The following CILP variants were observed in gnomAD, a reference collection of about 807,000 sequenced individuals.
CILP encodes the protein cartilage intermediate layer protein 1.
A neutral mutation model predicts 82.5 loss-of-function variants in CILP; 75 were observed. The ratio of observed to expected loss-of-function variants is 0.91; its 90% confidence interval spans 0.75 to 1.10. CILP has a LOEUF of 1.10. CILP is among the 50% of genes least tolerant of loss of function. The pLI is 0.00. For synonymous variants in CILP, 530 were observed against 580.3 expected (o/e 0.91, Z 1.25); for missense variants, 1,479 against 1,530.8 (o/e 0.97, Z 0.56).
chr15:65,203,547 C>T, intron 6 of CILP, 77 bp from the exon 7 acceptor site: 2 of 1,024,374 alleles, frequency 2.0e-6, no homozygotes, highest in Non-Finnish European at 3.0e-6. Flanking sequence ...CTAGCTCCCT[C>T]AGGGTCTTTG....
In CILP at chr15:65,197,700, C is replaced by A; in HGVS notation, c.2586G>T (p.Thr862=). The change falls in exon 9 of 9, where the codon ACG becomes ACT. Residue 862 remains threonine, a synonymous_variant. Transcript: ENST00000261883. ...TTTTAACCCGTGGATCCTCATGGTC[C>A]GTCCGACGGTAGTTGAGCTTGTTGA... is the stretch of plus-strand genomic sequence containing the variant. ...PYLNKLNYRR[T]DHEDPRVKKT... is the part of the protein sequence containing the mutation. 1 of 1,613,366 alleles carries A rather than the reference C, an allele frequency of 6.2e-7. No individual in the cohort carries two copies. The highest frequency in any genetic ancestry group is 8.5e-7 in the Non-Finnish European group (1 of 1,180,038).
At position 65,198,591 on chromosome 15, in the gene CILP, G is replaced by C. The variant is rs965240442; in HGVS notation, c.1695C>G (p.Phe565Leu). Reference protein sequence around the residue: ...LPFNKKGSAVFHEIKMLRRKK... With the variant: ...LPFNKKGSAVLHEIKMLRRKK... The stretch of plus-strand genomic sequence containing the variant: ...TCCGACGAAGCATCTTGATTTCATG[G>C]AACACGGCACTCCCCTTCTTGTTGA... Residue 565 changes from phenylalanine to leucine, a missense_variant, in exon 9 of 9, where the codon TTC (phenylalanine) becomes TTG (leucine). By Grantham distance (22) the Phe-to-Leu change is conservative. Transcript: ENST00000261883. The C allele has an allele frequency of 1.2e-6, 2 of 1,614,238 alleles. No homozygotes were observed. Among genetic ancestry groups the C allele is most frequent in the Admixed American group, 1.7e-5 (1 of 60,026 alleles).
At position 65,206,754 on chromosome 15, in the gene CILP, G is replaced by A. The variant is rs200682365; in HGVS notation, c.424+28C>T. ...TGAGTAGAGGCCAGTGGGAAGTAGC[G>A]GGTGGGGGTGGGGGCGTTCTGGCTT... On this transcript the variant is annotated intron_variant, in intron 4 of 8. Coordinates refer to ENST00000261883, the MANE Select transcript of CILP (RefSeq NM_003613.4). The A allele has an allele frequency of 1.3e-4, 209 of 1,590,448 alleles. 1 individual carries two copies. In the East Asian group the frequency reaches 1.5e-3, roughly 12 times the overall value.
intron 8 of CILP, among the ~76,000 whole-genome samples, chr15:65,199,519 T>C (rs1323091662): frequency 1.3e-5 from 2 of 152,222 alleles, no homozygotes; most frequent in Admixed American, 1.3e-4. Flanking sequence ...GTAGAAAACC[T>C]GTTTAAAGTG....
intron 8 of CILP, among the ~76,000 whole-genome samples, chr15:65,199,552 G>A (rs1305888157): frequency 6.6e-6 from 1 of 152,244 alleles, no homozygotes; most frequent in Admixed American, 6.5e-5. Flanking sequence ...GCCGGATGCA[G>A]TGGCTCACAC....
Position 65,198,469 on chromosome 15 carries a change from C to A in CILP, c.1817G>T (p.Arg606Met). 6.2e-7 allele frequency: 1 copy of A among 1,614,266 alleles called. No individual in the cohort carries two copies. The highest frequency in any genetic ancestry group is 1.6e-4 in the Middle Eastern group (1 of 6,062). Residue 606 changes from arginine (R) to methionine (M), a missense_variant, in exon 9 of 9, where the codon AGG (arginine) becomes ATG (methionine). By Grantham distance (91) the Arg-to-Met change is moderately conservative. Coordinates refer to ENST00000261883, the MANE Select transcript of CILP (RefSeq NM_003613.4). ...CTCCCCATTCTGCCTGTAGAAACTCCTGGATGGAATCTCCAGTTCAGCCAT... is the reference window on the plus strand; with the variant it reads ...CTCCCCATTCTGCCTGTAGAAACTCATGGATGGAATCTCCAGTTCAGCCAT... ...DPMAELEIPS[R>M]SFYRQNGEPY... is the part of the protein sequence containing the mutation.
In CILP at chr15:65,197,443, G is replaced by C; in HGVS notation, c.2843C>G (p.Pro948Arg). ...TEDYLAWWPKPMEFRACYIKV... is the reference protein window; with the variant it reads ...TEDYLAWWPKRMEFRACYIKV... ...GATATAGCAGGCCCTGAATTCCATCGGCTTTGGCCACCATGCCAGATAGTC... is the reference window on the plus strand; with the variant it reads ...GATATAGCAGGCCCTGAATTCCATCCGCTTTGGCCACCATGCCAGATAGTC... Residue 948 changes from proline (P) to arginine (R), a missense_variant, in exon 9 of 9, where the codon CCG becomes CGG. By Grantham distance (103) the Pro-to-Arg change is moderately radical. Transcript: ENST00000261883. The C allele has an allele frequency of 6.2e-7, 1 of 1,614,200 alleles. No individual in the cohort carries two copies. Among genetic ancestry groups the C allele is most frequent in the Non-Finnish European group, 8.5e-7 (1 of 1,180,048 alleles).
chr15:65,199,199 G>GTTTAGCTCAGAACAAT, intron 8 of CILP, 100 bp from the exon 9 acceptor site: 1 of 777,610 alleles, frequency 1.3e-6, no homozygotes, highest in Non-Finnish European at 2.0e-6. Flanking sequence ...GTTTTCAAAG[G>GTTTAGCTCAGAACAAT]ACTTGTATAT....
chr15:65,205,301 C>T lies in CILP; in HGVS notation c.590G>A (p.Gly197Asp), dbSNP rs1455820796. ...GAGGGTGGTACCTGTACAGTCCTGG[C>T]CCATGCAGTGCTGACCCTCTTCGCT... ...EASEEGQHCM[G>D]QDCTACDLTC... is the part of the protein sequence containing the mutation. The change falls in exon 5 of 9, where the codon GGC (glycine) becomes GAC (aspartate). Residue 197 changes from glycine (G) to aspartate (D), a missense_variant. Transcript: ENST00000261883. The T allele has an allele frequency of 1.9e-6, 3 of 1,613,206 alleles. No homozygotes were observed. Among genetic ancestry groups the T allele is most frequent in the Middle Eastern group, 1.7e-4 (1 of 5,944 alleles).
intron 8 of CILP, among the ~76,000 whole-genome samples, chr15:65,200,130 C>G (rs1018669798): frequency 2.0e-5 from 3 of 152,116 alleles, no homozygotes; most frequent in African/African-American, 7.2e-5. Flanking sequence ...TGTGCCAAAG[C>G]ATTTAGATAT....
rs575336145 is a variant in CILP at position 65,196,579 on chromosome 15, G to T, written c.*152C>A. 4.0e-4 allele frequency: 257 copies of T among 644,728 alleles called. No individual in the cohort carries two copies. The highest frequency in any genetic ancestry group is 6.0e-4 in the Non-Finnish European group (242 of 400,668). The allele number at this position is 644,728 out of a possible 1,614,324, so 39.9% of individuals were successfully genotyped here. On this transcript the variant is annotated 3_prime_UTR_variant, in exon 9 of 9. Transcript: ENST00000261883. ...TGTGGGGGCCACGTGCCAATCAGTAGCATGGGACAAAGTAAGTAAAGGCAT... is the reference window on the plus strand; with the variant it reads ...TGTGGGGGCCACGTGCCAATCAGTATCATGGGACAAAGTAAGTAAAGGCAT...
chr15:65,200,593 T>G (rs1206267174), intron 8 of CILP, among the ~76,000 whole-genome samples: 1 of 152,212 alleles, frequency 6.6e-6, no homozygotes, highest in East Asian at 1.9e-4. Flanking sequence ...CACCCTTTCT[T>G]GTAAAGCCCC....
At chr15:65,209,670 G>A in intron 2 of CILP, 25 bp downstream of exon 2, 1 of 1,612,570 alleles carries the variant, frequency 6.2e-7, no homozygotes, top group Non-Finnish European at 8.5e-7. Context: ...GAAGATTTGG[G>A]AGCCAGCAGA....
chr15:65,198,818 T>A lies in CILP; in HGVS notation c.1468A>T (p.Ser490Cys), dbSNP rs952646513. ...CSCQRCTETRSIVRGRVSAAD... is the reference protein window; with the variant it reads ...CSCQRCTETRCIVRGRVSAAD... ...GCACTGACACGGCCCCGCACGATGC[T>A]CCGAGTTTCCGTACACCGCTGGCAG... Residue 490 changes from serine (S) to cysteine (C), a missense_variant, in exon 9 of 9, where the codon AGC becomes TGC. Coordinates refer to ENST00000261883, the MANE Select transcript of CILP (RefSeq NM_003613.4). The A allele has an allele frequency of 6.2e-7, 1 of 1,614,124 alleles. No individual in the cohort carries two copies. The highest frequency in any genetic ancestry group is 8.5e-7 in the Non-Finnish European group (1 of 1,180,036).
Position 65,205,396 on chromosome 15 carries a change from A to C in CILP, c.495T>G (p.Cys165Trp). 6.2e-7 allele frequency: 1 copy of C among 1,614,066 alleles called. No homozygotes were observed. Among genetic ancestry groups the C allele is most frequent in the South Asian group, 1.1e-5 (1 of 91,080 alleles). Residue 165 changes from cysteine to tryptophan, a missense_variant, in exon 5 of 9, where the codon TGT becomes TGG. By Grantham distance (215) the Cys-to-Trp change is radical. Coordinates refer to ENST00000261883, the MANE Select transcript of CILP (RefSeq NM_003613.4). ...WSPWSKCSAA[C>W]GQTGVQTRTR... is the part of the protein sequence containing the mutation. ...TGCGAGTCTGGACCCCAGTCTGACC[A>C]CAGGCAGCTGAGCACTTGCTCCAGG...
intron 1 of CILP, among the ~76,000 whole-genome samples, chr15:65,210,396 C>T (rs967476758): frequency 5.3e-5 from 8 of 152,206 alleles, no homozygotes; most frequent in African/African-American, 1.9e-4. Flanking sequence ...AGCTGGAACA[C>T]ATTTCTGGCC....
intron 4 of CILP, among the ~76,000 whole-genome samples, chr15:65,205,969 C>T (rs1299829755): frequency 6.6e-6 from 1 of 152,194 alleles, no homozygotes; most frequent in Non-Finnish European, 1.5e-5. Flanking sequence ...GCTCCCATCC[C>T]AGATGACCAC....
chr15:65,198,032 A>G lies in CILP; in HGVS notation c.2254T>C (p.Cys752Arg), dbSNP rs1221572938. ...FNLDVPESRR[C>R]FVKVRAYRSE... ...CGGTAGGCCCTCACCTTAACAAAGC[A>G]CCGCCTGCTTTCAGGAACATCCAGG... is the stretch of plus-strand genomic sequence containing the variant. The change falls in exon 9 of 9, where the codon TGC becomes CGC. Residue 752 changes from cysteine (C) to arginine (R), a missense_variant. Transcript: ENST00000261883. The G allele has an allele frequency of 1.2e-6, 2 of 1,614,088 alleles. No homozygotes were observed. Among genetic ancestry groups the G allele is most frequent in the African/African-American group, 1.3e-5 (1 of 74,934 alleles).
In CILP at chr15:65,197,585, C is replaced by T; in HGVS notation, c.2701G>A (p.Ala901Thr). ...GPIYAFENLRACEEAPPSAAH... is the reference protein window; with the variant it reads ...GPIYAFENLRTCEEAPPSAAH... ...GCACTGGGTGGTGCCTCTTCACATGCCCGGAGGTTCTCAAAGGCATAGATG... is the reference window on the plus strand; with the variant it reads ...GCACTGGGTGGTGCCTCTTCACATGTCCGGAGGTTCTCAAAGGCATAGATG... The change falls in exon 9 of 9, where the codon GCA (alanine) becomes ACA (threonine). Residue 901 changes from alanine to threonine, a missense_variant. Ala to Thr is a moderately conservative substitution (Grantham distance 58). Transcript: ENST00000261883. The T allele has an allele frequency of 6.2e-7, 1 of 1,614,210 alleles. No individual in the cohort carries two copies. The highest frequency in any genetic ancestry group is 8.5e-7 in the Non-Finnish European group (1 of 1,180,042).
Sources: allele counts gnomAD v4.1 joint callset (sites outside exome capture counted in the v4.1 genomes callset), GRCh38; gene constraint gnomAD v4.1.1; transcripts MANE v1.5; gene names NCBI Gene and HGNC (gene_info 2026-07-23, HGNC 2026-07-21).